Variants in FANCI observed in about 807,000 individuals in gnomAD.
FANCI encodes the protein Fanconi anemia group I protein.
In FANCI, 156 loss-of-function variants were observed where a neutral mutation model predicts 176.1. The observed-to-expected ratio is 0.89, with a 90% CI of 0.78 to 1.01. The LOEUF (loss-of-function observed/expected upper bound fraction) is 1.01. Ranked by LOEUF, FANCI falls within the 50% of genes least tolerant of loss-of-function variation. The pLI is 0.00. For missense variants in FANCI, 1,678 were observed against 1,534.1 expected, an observed-to-expected ratio of 1.09 and a Z score of -1.57; for synonymous variants, 613 against 541.7, an observed-to-expected ratio of 1.13 and a Z score of -1.83.
rs1180873508 is a variant in FANCI at position 89,314,836 on chromosome 15, TCCC to T, written c.3816+140_3816+142del. 357 of 244,378 alleles carry T rather than the reference TCCC, an allele frequency of 1.5e-3. 3 individuals are homozygous for T. Among genetic ancestry groups the T allele is most frequent in the Admixed American group, 7.4e-3 (110 of 14,814 alleles). The allele number at this position is 244,378 out of a possible 1,614,324, so 15.1% of individuals were successfully genotyped here. A position where few individuals can be genotyped will look rare whatever the true frequency, so the allele number is the denominator to read the frequency against. On this transcript the variant is annotated intron_variant, in intron 36 of 37. Coordinates refer to ENST00000310775, the MANE Select transcript of FANCI (RefSeq NM_001113378.2). The stretch of plus-strand genomic sequence containing the variant: ...ATTTGTGTGTTTGCCATCCCCCCTC[TCCC>T]CCCCCCCCCCTTTTTTTTTTTGAGA...
chr15:89,316,893 G>A lies in FANCI; in HGVS notation c.*434G>A, dbSNP rs2055286570. On this transcript the variant is annotated 3_prime_UTR_variant, in exon 38 of 38. Coordinates refer to ENST00000310775, the MANE Select transcript of FANCI (RefSeq NM_001113378.2). ...ACTGTAACTGAGAGCTCAGAAGTGA[G>A]CAAAGGAGCTTAATGCTAAGGTCAA... The A allele has an allele frequency of 3.5e-6, 4 of 1,155,160 alleles. No individual in the cohort carries two copies. The highest frequency in any genetic ancestry group is 1.9e-4 in the Middle Eastern group (1 of 5,234). The allele number at this position is 1,155,160 out of a possible 1,614,324, so 71.6% of individuals were successfully genotyped here.
intron 2 of FANCI, among the ~76,000 whole-genome samples, chr15:89,249,554 T>C (rs1433482114): frequency 6.6e-6 from 1 of 152,050 alleles, no homozygotes; most frequent in Admixed American, 6.6e-5. Flanking sequence ...CGCCATGCTT[T>C]CCAGGCTGGT....
At chr15:89,316,353 GA>G in intron 37 of FANCI, 43 bp from the exon 38 acceptor site, 1 of 1,572,094 alleles carries the variant, frequency 6.4e-7, no homozygotes, top group Non-Finnish European at 8.7e-7. Flanking sequence ...CACTGCCTTG[GA>G]GCAGGTTTAT....
chr15:89,273,940 T>A (rs1407238470), intron 11 of FANCI, among the ~76,000 whole-genome samples: 3 of 152,200 alleles, frequency 2.0e-5, no homozygotes, highest in Non-Finnish European at 4.4e-5. Context: ...TGTCTTCAGC[T>A]CCTTAAAGTT....
chr15:89,262,326 A>T (rs2052747523), intron 6 of FANCI, among the ~76,000 whole-genome samples: 1 of 152,036 alleles, frequency 6.6e-6, no homozygotes, highest in Non-Finnish European at 1.5e-5. Flanking sequence ...GGGAATCTAC[A>T]TTAAAGAATG....
chr15:89,254,841 T>G (rs2052425409), intron 2 of FANCI, among the ~76,000 whole-genome samples: 1 of 152,060 alleles, frequency 6.6e-6, no homozygotes, highest in African/African-American at 2.4e-5. Context: ...AATGAATACA[T>G]GGGTAGAAAG....
In FANCI at chr15:89,305,620, C is replaced by G. The variant is rs578060150; in HGVS notation, c.3271C>G (p.Gln1091Glu). Reference protein sequence around the residue: ...APTVCLLVLSQAEKVLEEVDW... With the variant: ...APTVCLLVLSEAEKVLEEVDW... ...TTTCTTTCAGTTACTTGTTCTGAGT[C>G]AGGCCGAGAAGGTTCTAGAAGAAGT... Residue 1091 changes from glutamine to glutamate, a missense_variant, in exon 31 of 38, where the codon CAG becomes GAG. This residue lies in a region of FANCI where 1,204 missense variants were observed against 1,077.4 expected (regional missense o/e 1.12). Coordinates refer to ENST00000310775, the MANE Select transcript of FANCI (RefSeq NM_001113378.2). 1.7e-5 allele frequency: 28 copies of G among 1,613,988 alleles called. No homozygotes were observed. Among genetic ancestry groups the G allele is most frequent in the Non-Finnish European group, 1.7e-5 (20 of 1,180,032 alleles).
At chr15:89,315,722 T>TGTCATGCCCTCATTC (rs1288675101) in intron 37 of FANCI, among the ~76,000 whole-genome samples, 1 of 152,198 alleles carries the variant, frequency 6.6e-6, no homozygotes, top group Non-Finnish European at 1.5e-5. Flanking sequence ...TTACCTCTCA[T>TGTCATGCCCTCATTC]GTCATGCCCT....
intron 7 of FANCI, 33 bp from the exon 8 acceptor site, chr15:89,263,870 C>T: frequency 6.2e-7 from 1 of 1,613,662 alleles, no homozygotes; most frequent in Middle Eastern, 1.7e-4. Context: ...CAGTTAGACA[C>T]TGTCTATAGC....
intron 17 of FANCI, among the ~76,000 whole-genome samples, chr15:89,283,813 C>T (rs540339621): frequency 2.3e-4 from 35 of 150,518 alleles, no homozygotes; most frequent in Admixed American, 7.3e-4. Flanking sequence ...AGTGCAGTGG[C>T]GCGATCTCGG....
At chr15:89,268,850 A>G (rs1021188601) in intron 10 of FANCI, among the ~76,000 whole-genome samples, 15 of 152,116 alleles carry the variant, frequency 9.9e-5, no homozygotes, top group African/African-American at 3.6e-4. Flanking sequence ...ATCTAATTCT[A>G]AGTAGATTAT....
At chr15:89,260,573 C>T (rs1203336461) in intron 3 of FANCI, 140 bp from the exon 4 acceptor site, 7 of 1,084,342 alleles carry the variant, frequency 6.5e-6, no homozygotes, top group South Asian at 1.3e-5. Context: ...AGCCCTTAAC[C>T]ATTGCTGTTC....
At position 89,284,809 on chromosome 15, in the gene FANCI, T is replaced by C. The variant is rs188105754; in HGVS notation, c.1699-287T>C. On this transcript the variant is annotated intron_variant, in intron 17 of 37. Coordinates refer to ENST00000310775, the MANE Select transcript of FANCI (RefSeq NM_001113378.2). Reference sequence around the variant, plus strand: ...GTATATTGTTACTACTGGATTCTAGTGGCTTGAAATAAGCAGTGTACCTTC... The same window carrying C: ...GTATATTGTTACTACTGGATTCTAGCGGCTTGAAATAAGCAGTGTACCTTC... Among the ~76,000 whole-genome samples, 1,061 of 152,348 alleles carry C rather than the reference T, an allele frequency of 7.0e-3. 7 individuals are homozygous for C. The highest frequency in any genetic ancestry group is 0.01 in the Middle Eastern group (3 of 294).
chr15:89,276,790 G>A lies in FANCI; in HGVS notation c.1192G>A (p.Val398Ile). ...ILMDSYGPKK[V>I]LDGKTIETSP... Reference sequence around the variant, plus strand: ...GATGGATTCATATGGGCCAAAGAAGGTTCTTGATGGAAAAACTATTGAAAC... The same window carrying A: ...GATGGATTCATATGGGCCAAAGAAGATTCTTGATGGAAAAACTATTGAAAC... Residue 398 changes from valine to isoleucine, a missense_variant, in exon 13 of 38, where the codon GTT (valine) becomes ATT (isoleucine). By Grantham distance (29) the Val-to-Ile change is conservative (BLOSUM62 3). Around this residue, in one of 3 missense-constraint regions of FANCI, gnomAD observed 5 missense variants for 19.8 expected, o/e 0.25. Transcript: ENST00000310775. The A allele has an allele frequency of 6.2e-7, 1 of 1,614,134 alleles. No homozygotes were observed. Among genetic ancestry groups the A allele is most frequent in the Non-Finnish European group, 8.5e-7 (1 of 1,180,012 alleles).
intron 9 of FANCI, among the ~76,000 whole-genome samples, chr15:89,265,984 G>T (rs1035668021): frequency 3.3e-5 from 5 of 150,246 alleles, no homozygotes; most frequent in African/African-American, 1.2e-4. Context: ...TTTATTAGAG[G>T]TGGTTTCTTA....
chr15:89,261,793 C>G (rs745808001), intron 5 of FANCI, 28 bp from the exon 6 acceptor site: 1 of 1,614,046 alleles, frequency 6.2e-7, no homozygotes, highest in South Asian at 1.1e-5. Context: ...TAATCAAATT[C>G]ATTGCTCAGT....
intron 3 of FANCI, chr15:89,259,024 C>T (rs936447144): frequency 2.2e-5 from 10 of 462,470 alleles, no homozygotes; most frequent in East Asian, 8.4e-5. Context: ...ATGTGCTTTT[C>T]GTAAAATCTG....
At chr15:89,297,252 AGAC>A (rs1245653922) in intron 24 of FANCI, among the ~76,000 whole-genome samples, 1 of 149,720 alleles carries the variant, frequency 6.7e-6, no homozygotes, top group Non-Finnish European at 1.5e-5. Flanking sequence ...GGCCAGGCAG[AGAC>A]GCTCCTCACT....
Position 89,293,425 on chromosome 15 carries a change from G to A in FANCI, c.2291+362G>A, listed in dbSNP as rs1197897434. On this transcript the variant is annotated intron_variant, in intron 22 of 37. Coordinates refer to ENST00000310775, the MANE Select transcript of FANCI (RefSeq NM_001113378.2). ...GGGGAGGCCAGGTGCGGTGGCTCACGCCTGTAATCCCAGAACTTTGGGAGG... is the reference window on the plus strand; with the variant it reads ...GGGGAGGCCAGGTGCGGTGGCTCACACCTGTAATCCCAGAACTTTGGGAGG... 3.3e-5 allele frequency among the ~76,000 whole-genome samples: 5 copies of A among 152,168 alleles called. No homozygotes were observed. In the South Asian group the frequency reaches 6.2e-4, roughly 19 times the overall value.
Sources: allele counts gnomAD v4.1 joint callset (sites outside exome capture counted in the v4.1 genomes callset), GRCh38; gene constraint gnomAD v4.1.1; regional missense constraint gnomAD v4.1.1; transcripts MANE v1.5; gene names NCBI Gene and HGNC (gene_info 2026-07-23, HGNC 2026-07-21).